The following OR1J2 variants were observed in gnomAD, a reference collection of about 807,000 sequenced individuals.
OR1J2 encodes the protein olfactory receptor family 1 subfamily J member 2.
For missense variants in OR1J2, 304 were observed against 246.1 expected, an observed-to-expected ratio of 1.24 and a Z score of -1.57; for synonymous variants, 142 against 99.7, an observed-to-expected ratio of 1.42 and a Z score of -2.52.
the OR1J2 span, chr9:122,553,877 C>A: frequency 1.3e-5 from 21 of 1,614,086 alleles, no homozygotes; most frequent in East Asian, 4.5e-4. Context: ...TCTCCTATGT[C>A]CGCATTTTCT....
upstream of OR1J2, among the ~76,000 whole-genome samples, chr9:122,509,713 A>T (rs1431858174): frequency 6.6e-6 from 1 of 152,162 alleles, no homozygotes; most frequent in Non-Finnish European, 1.5e-5. Flanking sequence ...TGTAGGAGAG[A>T]TGCAGGTTTT....
the OR1J2 span, among the ~76,000 whole-genome samples, chr9:122,532,270 G>A: frequency 5.9e-5 from 9 of 152,250 alleles, no homozygotes; most frequent in East Asian, 1.2e-3. Context: ...ATTTCCTTGA[G>A]GATAGATTTC....
chr9:122,484,717 GAAAA>G, the OR1J2 span, among the ~76,000 whole-genome samples: 2 of 150,902 alleles, frequency 1.3e-5, no homozygotes, highest in Non-Finnish European at 1.5e-5. Context: ...AAGAGAAAAA[GAAAA>G]AAAAAGTAGG....
the OR1J2 span, among the ~76,000 whole-genome samples, chr9:122,479,491 A>G: frequency 6.6e-6 from 1 of 152,238 alleles, no homozygotes; most frequent in Non-Finnish European, 1.5e-5. Flanking sequence ...GTACTGACTG[A>G]TGAGGCATTA....
chr9:122,540,471 C>G, the OR1J2 span, among the ~76,000 whole-genome samples: 5 of 152,016 alleles, frequency 3.3e-5, no homozygotes, highest in Non-Finnish European at 7.4e-5. Flanking sequence ...TTCCATTGGT[C>G]TATATCTCTG....
At chr9:122,507,907 A>G (rs570533451), upstream of OR1J2, among the ~76,000 whole-genome samples, 1 of 152,290 alleles carries the variant, frequency 6.6e-6, no homozygotes, top group South Asian at 2.1e-4. Context: ...TCATCTTACA[A>G]AAACCTTATG....
chr9:122,477,317 A>G, the OR1J2 span: 31 of 1,614,122 alleles, frequency 1.9e-5, no homozygotes, highest in South Asian at 3.3e-5. Context: ...ATGGCTGTCA[A>G]TGCTGCTGTA....
the OR1J2 span, among the ~76,000 whole-genome samples, chr9:122,525,151 T>C: frequency 3.2e-3 from 483 of 152,288 alleles, 2 homozygotes; most frequent in Admixed American, 7.9e-3. Flanking sequence ...TGAGGGAACA[T>C]CTGGAAAGGA....
downstream of OR1J2, among the ~76,000 whole-genome samples, chr9:122,515,496 C>T (rs1265128086): frequency 6.6e-6 from 1 of 150,942 alleles, no homozygotes; most frequent in African/African-American, 2.5e-5. Flanking sequence ...ACTCTCATGT[C>T]TTTAACCCCA....
chr9:122,513,849 A>G (rs539590244), downstream of OR1J2, among the ~76,000 whole-genome samples: 264 of 152,310 alleles, frequency 1.7e-3, 4 homozygotes, highest in African/African-American at 6.2e-3. Flanking sequence ...AATTAAGACA[A>G]TGCAGCACAT....
the OR1J2 span, among the ~76,000 whole-genome samples, chr9:122,562,530 G>T: frequency 8.6e-3 from 1,309 of 152,256 alleles, 17 homozygotes; most frequent in African/African-American, 0.03. Flanking sequence ...TGGGTAGCAC[G>T]CTCACTCACC....
chr9:122,542,435 T>G, the OR1J2 span, among the ~76,000 whole-genome samples: 1 of 152,226 alleles, frequency 6.6e-6, no homozygotes, highest in Admixed American at 6.5e-5. Flanking sequence ...TATAAATGCA[T>G]ACTCTCATCC....
At chr9:122,475,699 T>G in the OR1J2 span, 1 of 152,240 alleles carries the variant, frequency 6.6e-6, no homozygotes, top group Non-Finnish European at 1.5e-5. Context: ...CAGGTCTTGG[T>G]GCCTCAGTTG....
chr9:122,533,587 AT>A, the OR1J2 span, among the ~76,000 whole-genome samples: 1 of 152,052 alleles, frequency 6.6e-6, no homozygotes, highest in Non-Finnish European at 1.5e-5. Context: ...GGAACAGATA[AT>A]TTAGTTAAAG....
the OR1J2 span, chr9:122,471,297 T>C: frequency 6.6e-6 from 1 of 152,178 alleles, no homozygotes; most frequent in South Asian, 2.1e-4. Flanking sequence ...TGAGATCTAA[T>C]GGTTTTATAA....
At chr9:122,448,336 G>C in the OR1J2 span, among the ~76,000 whole-genome samples, 1 of 152,142 alleles carries the variant, frequency 6.6e-6, no homozygotes, top group Non-Finnish European at 1.5e-5. Context: ...AGCACGTCTT[G>C]CCTCCCACCA....
At chr9:122,489,095 A>G in the OR1J2 span, among the ~76,000 whole-genome samples, 2 of 151,270 alleles carry the variant, frequency 1.3e-5, no homozygotes, top group African/African-American at 4.9e-5. Flanking sequence ...AGAGTTCCCA[A>G]TCCATTGAAT....
the OR1J2 span, among the ~76,000 whole-genome samples, chr9:122,523,499 G>A: frequency 2.0e-5 from 3 of 152,132 alleles, no homozygotes; most frequent in Admixed American, 2.0e-4. Flanking sequence ...ATGGATCGGA[G>A]TGCCTTGAAT....
the OR1J2 span, among the ~76,000 whole-genome samples, chr9:122,500,313 A>G: frequency 6.6e-6 from 1 of 152,154 alleles, no homozygotes; most frequent in Non-Finnish European, 1.5e-5. Context: ...TCCAGTGGAT[A>G]GGGGAGTCAC....
Sources: allele counts gnomAD v4.1 joint callset (sites outside exome capture counted in the v4.1 genomes callset), GRCh38; gene constraint gnomAD v4.1.1; transcripts MANE v1.5; gene names NCBI Gene and HGNC (gene_info 2026-07-23, HGNC 2026-07-21).